Variants in RBFOX1 observed in about 807,000 individuals in gnomAD.
The protein encoded by RBFOX1 is RNA binding protein fox-1 homolog 1.
In RBFOX1, 8 loss-of-function variants were observed where a neutral mutation model predicts 57.7. The ratio of observed to expected loss-of-function variants is 0.14; its 90% CI spans 0.08 to 0.25. The LOEUF (loss-of-function observed/expected upper bound fraction) is 0.25. Ranked by LOEUF, RBFOX1 falls within the 10% of genes least tolerant of loss-of-function variation. RBFOX1 has a pLI of 1.00. For synonymous variants in RBFOX1, 326 were observed against 222.4 expected, an observed-to-expected ratio of 1.47 and a Z score of -4.15; for missense variants, 611 against 548.5, an observed-to-expected ratio of 1.11 and a Z score of -1.14.
chr16:5,708,553 G>A (rs1251800750), intron 3 of RBFOX1, among the ~76,000 whole-genome samples: 1 of 152,158 alleles, frequency 6.6e-6, no homozygotes, highest in African/African-American at 2.4e-5. Flanking sequence ...TATGAAAACA[G>A]AATCCTGCTT....
At chr16:6,605,787 C>G (rs1410757646) in intron 2 of RBFOX1, among the ~76,000 whole-genome samples, 4 of 152,124 alleles carry the variant, frequency 2.6e-5, no homozygotes, top group Non-Finnish European at 5.9e-5. Flanking sequence ...TGAAACAACA[C>G]ACGGGAAACT....
At chr16:7,494,994 C>T (rs1030186948) in intron 4 of RBFOX1, among the ~76,000 whole-genome samples, 1 of 152,142 alleles carries the variant, frequency 6.6e-6, no homozygotes, top group South Asian at 2.1e-4. Flanking sequence ...TAGTAGTCCC[C>T]CGTGTCTGTT....
intron 4 of RBFOX1, among the ~76,000 whole-genome samples, chr16:5,894,102 G>A (rs2058104204): frequency 1.3e-5 from 2 of 152,176 alleles, no homozygotes; most frequent in South Asian, 4.2e-4. Context: ...GGAGGGGAGA[G>A]ATATGCATGG....
At chr16:6,973,041 G>A (rs1474704249) in intron 3 of RBFOX1, among the ~76,000 whole-genome samples, 3 of 152,142 alleles carry the variant, frequency 2.0e-5, no homozygotes, top group African/African-American at 7.2e-5. Flanking sequence ...TGAGGAAGTA[G>A]AATCAGTTGA....
chr16:5,641,263 A>G (rs2048865059), intron 3 of RBFOX1, among the ~76,000 whole-genome samples: 1 of 152,216 alleles, frequency 6.6e-6, no homozygotes, highest in South Asian at 2.1e-4. Context: ...CCAGTTATTA[A>G]ATAGGCTGTG....
At chr16:6,709,716 G>C (rs777521179) in intron 3 of RBFOX1, among the ~76,000 whole-genome samples, 35 of 152,012 alleles carry the variant, frequency 2.3e-4, no homozygotes, top group Non-Finnish European at 4.6e-4. Context: ...TGCGGGTTTC[G>C]GTGGAACAGT....
At chr16:7,627,567 G>T (rs2060272771) in intron 10 of RBFOX1, among the ~76,000 whole-genome samples, 1 of 152,176 alleles carries the variant, frequency 6.6e-6, no homozygotes, top group Admixed American at 6.5e-5. Context: ...CAGCTCAGTG[G>T]ACTCAATGAA....
rs545929569 is a variant in RBFOX1, at chr16:7,457,020, T to C, written c.28-61127T>C. Reference sequence around the variant, plus strand: ...ATTCTGCCTCAGCCTCCCAAGTAGCTGGGATTGCAGGCACGCACCACCACG... The same window carrying C: ...ATTCTGCCTCAGCCTCCCAAGTAGCCGGGATTGCAGGCACGCACCACCACG... On this transcript the variant is annotated intron_variant, in intron 4 of 15. Transcript: ENST00000550418. Among the ~76,000 whole-genome samples, 302 of 152,198 alleles carry C rather than the reference T, an allele frequency of 2.0e-3. 1 individual carries two copies. Among genetic ancestry groups the C allele is most frequent in the Non-Finnish European group, 3.4e-3 (234 of 68,008 alleles).
chr16:6,804,878 A>G (rs1226396959), intron 3 of RBFOX1, among the ~76,000 whole-genome samples: 2 of 152,174 alleles, frequency 1.3e-5, no homozygotes, highest in African/African-American at 2.4e-5. Flanking sequence ...TAAAAAGGCC[A>G]TGTGTCCCAA....
intron 4 of RBFOX1, among the ~76,000 whole-genome samples, chr16:7,321,883 T>G (rs1424908296): frequency 1.3e-5 from 2 of 152,176 alleles, no homozygotes; most frequent in African/African-American, 4.8e-5. Context: ...TGCCTGGCCA[T>G]GACATCGCAG....
intron 3 of RBFOX1, among the ~76,000 whole-genome samples, chr16:6,925,539 A>G (rs984109962): frequency 1.3e-5 from 2 of 151,690 alleles, no homozygotes; most frequent in African/African-American, 2.4e-5. Context: ...AGGGATTTTG[A>G]TCTATTTTAT....
At chr16:7,047,107 C>T (rs568024292) in intron 3 of RBFOX1, among the ~76,000 whole-genome samples, 14 of 148,208 alleles carry the variant, frequency 9.4e-5, no homozygotes, top group African/African-American at 2.5e-4. Context: ...AGAGTCCAGT[C>T]ACCTATTAAC....
chr16:5,826,407 C>G (rs950300857), intron 3 of RBFOX1, among the ~76,000 whole-genome samples: 7 of 152,042 alleles, frequency 4.6e-5, no homozygotes, highest in African/African-American at 1.4e-4. Flanking sequence ...TTTTGAAAGT[C>G]TTTTATGCCA....
At chr16:7,706,441 G>A (rs1470322270) in intron 14 of RBFOX1, among the ~76,000 whole-genome samples, 1 of 152,178 alleles carries the variant, frequency 6.6e-6, no homozygotes, top group African/African-American at 2.4e-5. Flanking sequence ...ACTATGCCCA[G>A]CGTTATAGAA....
At chr16:5,507,679 C>T (rs149515586) in intron 2 of RBFOX1, among the ~76,000 whole-genome samples, 1 of 152,160 alleles carries the variant, frequency 6.6e-6, no homozygotes, top group Non-Finnish European at 1.5e-5. Context: ...TGGGGTGGGT[C>T]TTAATCCAGT....
At chr16:6,121,670 G>T (rs1352659324) in intron 1 of RBFOX1, among the ~76,000 whole-genome samples, 2 of 152,174 alleles carry the variant, frequency 1.3e-5, no homozygotes, top group Non-Finnish European at 2.9e-5. Context: ...GTGTAGCATG[G>T]TGGTTAACAG....
intron 4 of RBFOX1, among the ~76,000 whole-genome samples, chr16:7,323,306 C>T (rs1002962704): frequency 6.6e-6 from 1 of 152,084 alleles, no homozygotes; most frequent in Admixed American, 6.6e-5. Context: ...CACCTGTAGT[C>T]CCAGGTTTTC....
intron 4 of RBFOX1, among the ~76,000 whole-genome samples, chr16:7,293,538 G>C (rs78223677): frequency 0.011 from 1,615 of 152,204 alleles, 26 homozygotes; most frequent in African/African-American, 0.036. Context: ...TTTTATGTGT[G>C]GGTCTTTGTA....
chr16:5,886,875 G>A (rs1254214831), intron 4 of RBFOX1, among the ~76,000 whole-genome samples: 2 of 152,192 alleles, frequency 1.3e-5, no homozygotes, highest in Non-Finnish European at 2.9e-5. Context: ...GCAACGGAGT[G>A]AGACTCTGTC....
Sources: gnomAD v4.1 joint callset for allele counts (sites outside exome capture counted in the v4.1 genomes callset) on GRCh38, gnomAD v4.1.1 for gene constraint, MANE v1.5 for transcripts, NCBI Gene and HGNC (gene_info 2026-07-23, HGNC 2026-07-21) for gene names.